The following GALNTL6 variants were observed in gnomAD, a reference collection of about 807,000 sequenced individuals.
GALNTL6 encodes polypeptide N-acetylgalactosaminyltransferase-like 6.
Under a neutral mutation model 73.7 loss-of-function variants are expected in GALNTL6, and 46 were observed. The observed-to-expected ratio is 0.62, with a 90% CI of 0.49 to 0.80. The LOEUF is 0.80. Among genes scored for constraint, GALNTL6 ranks in the 30% least tolerant of loss-of-function variants. The pLI, the probability that GALNTL6 is intolerant of heterozygous loss-of-function variation, is 0.00. For missense variants in GALNTL6, 604 were observed against 755.0 expected (o/e 0.80, Z 2.34); for synonymous variants, 259 against 263.7 (o/e 0.98, Z 0.17).
intron 2 of GALNTL6, among the ~76,000 whole-genome samples, chr4:172,197,790 A>G (rs1735819714): frequency 6.6e-6 from 1 of 152,138 alleles, no homozygotes; most frequent in Admixed American, 6.6e-5. Flanking sequence ...AAATTAACTC[A>G]AGATGAATTA....
intron 5 of GALNTL6, among the ~76,000 whole-genome samples, chr4:172,403,358 C>T (rs1744106915): frequency 6.6e-6 from 1 of 151,958 alleles, no homozygotes; most frequent in Non-Finnish European, 1.5e-5. Flanking sequence ...AGAAACAATT[C>T]AAGTAATAAA....
chr4:171,864,373 C>T (rs149760498), intron 2 of GALNTL6, among the ~76,000 whole-genome samples: 787 of 73,104 alleles, frequency 0.011, 4 homozygotes, highest in Middle Eastern at 0.031. Flanking sequence ...AATATGCTCA[C>T]ATATGAGGTA....
At chr4:172,388,519 T>C (rs1428102813) in intron 5 of GALNTL6, among the ~76,000 whole-genome samples, 1 of 152,108 alleles carries the variant, frequency 6.6e-6, no homozygotes, top group East Asian at 1.9e-4. Context: ...GGTAAGGTAT[T>C]TACTTCAACA....
At chr4:172,010,617 G>C (rs747343002) in intron 2 of GALNTL6, among the ~76,000 whole-genome samples, 2 of 151,698 alleles carry the variant, frequency 1.3e-5, no homozygotes, top group African/African-American at 2.4e-5. Flanking sequence ...TAAAGCTGCT[G>C]TGTCTTTCAA....
At chr4:172,939,654 C>T (rs1415957132) in intron 9 of GALNTL6, among the ~76,000 whole-genome samples, 1 of 152,152 alleles carries the variant, frequency 6.6e-6, no homozygotes, top group Non-Finnish European at 1.5e-5. Context: ...TCAAGCCGCC[C>T]CTTTGTGATG....
intron 5 of GALNTL6, among the ~76,000 whole-genome samples, chr4:172,782,717 G>T (rs935636558): frequency 4.6e-5 from 7 of 151,968 alleles, no homozygotes; most frequent in Admixed American, 6.6e-5. Context: ...AATTTTCCTG[G>T]GTTAAGATTA....
chr4:172,137,215 C>A (rs1438346209), intron 2 of GALNTL6, among the ~76,000 whole-genome samples: 1 of 151,906 alleles, frequency 6.6e-6, no homozygotes, highest in Non-Finnish European at 1.5e-5. Context: ...TTTAATACAC[C>A]TATGATTGCT....
At chr4:172,658,237 C>G (rs1174026468) in intron 5 of GALNTL6, among the ~76,000 whole-genome samples, 1 of 145,262 alleles carries the variant, frequency 6.9e-6, no homozygotes, top group African/African-American at 2.5e-5. Flanking sequence ...GAGGCCGAGA[C>G]GGGTGGATCA....
chr4:171,958,353 T>C (rs1180389996), intron 2 of GALNTL6, among the ~76,000 whole-genome samples: 1 of 152,146 alleles, frequency 6.6e-6, no homozygotes, highest in African/African-American at 2.4e-5. Flanking sequence ...ATTAAAACTA[T>C]GGAAGATATC....
At chr4:173,003,390 C>T (rs1335881822) in intron 10 of GALNTL6, among the ~76,000 whole-genome samples, 1 of 152,164 alleles carries the variant, frequency 6.6e-6, no homozygotes, top group Non-Finnish European at 1.5e-5. Context: ...GCCTGCAATG[C>T]TGGGCCAAGG....
intron 2 of GALNTL6, among the ~76,000 whole-genome samples, chr4:171,818,575 T>TAAAA (rs370223311): frequency 1.2e-4 from 16 of 132,498 alleles, no homozygotes; most frequent in African/African-American, 4.3e-4. Flanking sequence ...TCTACCACAT[T>TAAAA]AAAAAAAAAA....
At chr4:172,080,658 A>T (rs1385476309) in intron 2 of GALNTL6, among the ~76,000 whole-genome samples, 1 of 151,740 alleles carries the variant, frequency 6.6e-6, no homozygotes, top group Non-Finnish European at 1.5e-5. Flanking sequence ...TATATGTTGT[A>T]TATCGTATAT....
At chr4:172,045,794 C>A (rs926279846) in intron 2 of GALNTL6, among the ~76,000 whole-genome samples, 1 of 150,986 alleles carries the variant, frequency 6.6e-6, no homozygotes, top group African/African-American at 2.4e-5. Flanking sequence ...AAAAACTAAA[C>A]AAATTCCTCC....
chr4:172,670,871 T>C (rs755213711), intron 5 of GALNTL6, among the ~76,000 whole-genome samples: 1 of 152,206 alleles, frequency 6.6e-6, no homozygotes, highest in Non-Finnish European at 1.5e-5. Flanking sequence ...TATATATGGC[T>C]ACCCAGTTAT....
intron 4 of GALNTL6, among the ~76,000 whole-genome samples, chr4:172,346,375 G>A (rs1464642949): frequency 2.6e-5 from 4 of 152,174 alleles, no homozygotes; most frequent in Admixed American, 6.5e-5. Context: ...AGGCTCCTAT[G>A]TCATTCTGTA....
At chr4:172,490,087 C>T (rs541973492) in intron 5 of GALNTL6, among the ~76,000 whole-genome samples, 53 of 152,242 alleles carry the variant, frequency 3.5e-4, no homozygotes, top group African/African-American at 1.3e-3. Context: ...ACTGAATACT[C>T]TCTGCAGGAG....
intron 4 of GALNTL6, among the ~76,000 whole-genome samples, chr4:172,342,646 T>A (rs1162672577): frequency 6.6e-6 from 1 of 152,236 alleles, no homozygotes; most frequent in Non-Finnish European, 1.5e-5. Flanking sequence ...TATTCTGTTT[T>A]TCATCTGTGA....
chr4:172,632,401 C>T (rs574754833), intron 5 of GALNTL6, among the ~76,000 whole-genome samples: 1 of 152,110 alleles, frequency 6.6e-6, no homozygotes, highest in Non-Finnish European at 1.5e-5. Flanking sequence ...TAGGTTGAGG[C>T]GGTCTAGGAT....
chr4:172,325,433 G>T (rs1740907648), intron 4 of GALNTL6, among the ~76,000 whole-genome samples: 2 of 151,956 alleles, frequency 1.3e-5, no homozygotes, highest in Non-Finnish European at 1.5e-5. Flanking sequence ...AGGCAGAGTT[G>T]TGGCCCCGCT....
Sources: allele counts gnomAD v4.1 joint callset (sites outside exome capture counted in the v4.1 genomes callset), GRCh38; gene constraint gnomAD v4.1.1; transcripts MANE v1.5; gene names NCBI Gene and HGNC (gene_info 2026-07-23, HGNC 2026-07-21).